The following STX17 variants were observed in gnomAD, a reference collection of about 807,000 sequenced individuals.
STX17 encodes syntaxin-17.
Under a neutral mutation model 35.9 loss-of-function variants are expected in STX17, and 29 were observed. The observed-to-expected ratio is 0.81, with a 90% CI of 0.60 to 1.10. The LOEUF is 1.10. Among genes scored for constraint, STX17 ranks in the 50% least tolerant of loss-of-function variants. STX17 has a pLI of 0.00. For missense variants in STX17, 312 were observed against 352.3 expected, an observed-to-expected ratio of 0.89 and a Z score of 0.92; for synonymous variants, 92 against 118.3, an observed-to-expected ratio of 0.78 and a Z score of 1.44.
Position 99,915,361 on chromosome 9 carries a change from A to T in STX17, c.122A>T (p.Lys41Met). 1 of 1,588,686 alleles carries T rather than the reference A, an allele frequency of 6.3e-7. No individual in the cohort carries two copies. Among genetic ancestry groups the T allele is most frequent in the Middle Eastern group, 1.7e-4 (1 of 5,932 alleles). Residue 41 changes from lysine to methionine, a missense_variant and splice_region_variant, in exon 2 of 8, where the codon AAG becomes ATG. Coordinates refer to ENST00000259400, the MANE Select transcript of STX17 (RefSeq NM_017919.3). ...AGAAAGCACCAGATAAATATTGAGA[A>T]GGTGAGCTGTTTCATTTACTACCAC... Reference protein sequence around the residue: ...RLRKHQINIEKYQRCRIWDKL... With the variant: ...RLRKHQINIEMYQRCRIWDKL...
intron 4 of STX17, among the ~76,000 whole-genome samples, chr9:99,957,650 GT>G (rs1564073453): frequency 8.2e-6 from 1 of 122,232 alleles, no homozygotes; most frequent in South Asian, 2.5e-4. Context: ...TTATGTTATT[GT>G]TTTTGTTTTT....
intron 1 of STX17, among the ~76,000 whole-genome samples, chr9:99,908,839 A>AT (rs1386602432): frequency 6.6e-6 from 1 of 152,212 alleles, no homozygotes; most frequent in Non-Finnish European, 1.5e-5. Flanking sequence ...CAGTCTATAC[A>AT]TATGCATACC....
intron 3 of STX17, among the ~76,000 whole-genome samples, chr9:99,939,862 A>G (rs1433046625): frequency 6.6e-6 from 1 of 152,230 alleles, no homozygotes; most frequent in African/African-American, 2.4e-5. Context: ...TCTCTGCATC[A>G]TCTGCCAACA....
At chr9:99,943,919 G>C (rs921295052) in intron 3 of STX17, among the ~76,000 whole-genome samples, 2 of 152,076 alleles carry the variant, frequency 1.3e-5, no homozygotes, top group Admixed American at 1.3e-4. Context: ...ATCAGGCTGG[G>C]CTTTTTCTTT....
At chr9:99,918,480 C>T (rs1828823960) in intron 2 of STX17, among the ~76,000 whole-genome samples, 1 of 151,578 alleles carries the variant, frequency 6.6e-6, no homozygotes, top group Non-Finnish European at 1.5e-5. Context: ...TTCGTGGATG[C>T]TGTATCATAA....
chr9:99,937,564 CA>C (rs1323105831), intron 3 of STX17, among the ~76,000 whole-genome samples: 1 of 152,190 alleles, frequency 6.6e-6, no homozygotes, highest in East Asian at 1.9e-4. Context: ...ATCTCACTCA[CA>C]TATTGTAGTT....
chr9:99,924,245 G>T (rs1341154854), intron 2 of STX17, among the ~76,000 whole-genome samples: 2 of 152,188 alleles, frequency 1.3e-5, no homozygotes, highest in African/African-American at 4.8e-5. Context: ...GGTTCGGAGG[G>T]CAGGAGGTCA....
At chr9:99,916,422 T>C (rs942303649) in intron 2 of STX17, among the ~76,000 whole-genome samples, 31 of 128,708 alleles carry the variant, frequency 2.4e-4, no homozygotes, top group Middle Eastern at 3.7e-3. Flanking sequence ...TTTATTTATT[T>C]ATTTATTTAT....
At chr9:99,956,038 AT>A (rs1829703697) in intron 4 of STX17, among the ~76,000 whole-genome samples, 1 of 152,152 alleles carries the variant, frequency 6.6e-6, no homozygotes, top group African/African-American at 2.4e-5. Flanking sequence ...AAATGAAAAG[AT>A]TTGCTTTAAT....
chr9:99,952,472 C>T (rs1469252017), intron 4 of STX17, among the ~76,000 whole-genome samples: 5 of 152,250 alleles, frequency 3.3e-5, no homozygotes, highest in East Asian at 1.9e-4. Context: ...GTCAGTGTGG[C>T]GATTCCTCAA....
intron 3 of STX17, 84 bp from the exon 4 acceptor site, chr9:99,950,976 C>T: frequency 8.4e-7 from 1 of 1,197,056 alleles, no homozygotes; most frequent in Non-Finnish European, 1.2e-6. Context: ...TAATTTCCAT[C>T]CACAACTATT....
chr9:99,933,336 T>G (rs1341667340), intron 3 of STX17, among the ~76,000 whole-genome samples: 1 of 152,162 alleles, frequency 6.6e-6, no homozygotes, highest in African/African-American at 2.4e-5. Flanking sequence ...AGTTTTAAGA[T>G]AAAGCTTGAT....
At chr9:99,943,548 A>G (rs559386744) in intron 3 of STX17, among the ~76,000 whole-genome samples, 1 of 152,246 alleles carries the variant, frequency 6.6e-6, no homozygotes, top group African/African-American at 2.4e-5. Context: ...ACCTCAAATG[A>G]TCTGCCCACC....
At chr9:99,950,995 A>C (rs1454323658) in intron 3 of STX17, 65 bp from the exon 4 acceptor site, 2 of 1,348,188 alleles carry the variant, frequency 1.5e-6, no homozygotes, top group African/African-American at 3.0e-5. Flanking sequence ...TTATAACATT[A>C]CTTCTGAAAA....
At chr9:99,926,227 T>C (rs1324054244) in intron 2 of STX17, among the ~76,000 whole-genome samples, 1 of 152,122 alleles carries the variant, frequency 6.6e-6, no homozygotes, top group African/African-American at 2.4e-5. Flanking sequence ...TTCTACCTTC[T>C]TAAATACATG....
chr9:99,940,760 C>T (rs570340426), intron 3 of STX17, among the ~76,000 whole-genome samples: 312 of 152,282 alleles, frequency 2.0e-3, no homozygotes, highest in Non-Finnish European at 3.7e-3. Flanking sequence ...GGATTACAGG[C>T]GTGAGCCACC....
rs930819912 is a variant in STX17, at chr9:99,970,580, G to T, written c.*1907G>T. Among the ~76,000 whole-genome samples, 1 of 152,138 alleles carries T rather than the reference G, an allele frequency of 6.6e-6. No individual in the cohort carries two copies. Among genetic ancestry groups the T allele is most frequent in the Non-Finnish European group, 1.5e-5 (1 of 68,024 alleles). On this transcript the variant is annotated 3_prime_UTR_variant, in exon 8 of 8. Coordinates refer to ENST00000259400, the MANE Select transcript of STX17 (RefSeq NM_017919.3). ...AGAACTCACCCAGGCACATACTAAAGCAAGATTCCTAAACCTCAGTTCCAG... is the reference window on the plus strand; with the variant it reads ...AGAACTCACCCAGGCACATACTAAATCAAGATTCCTAAACCTCAGTTCCAG...
In STX17 at chr9:99,962,213, T is replaced by C. The variant is rs543015197; in HGVS notation, c.582+2058T>C. Among the ~76,000 whole-genome samples the C allele has an allele frequency of 2.6e-5, 4 of 152,350 alleles. No homozygotes were observed. In the East Asian group the frequency reaches 7.7e-4, roughly 29 times the overall value. On this transcript the variant is annotated intron_variant, in intron 6 of 7. Transcript: ENST00000259400. Reference sequence around the variant, plus strand: ...ATGTGTTACCTAAAATTGAATGCAGTAAATTGTTTGAATTGCTTCTGGATG... The same window carrying C: ...ATGTGTTACCTAAAATTGAATGCAGCAAATTGTTTGAATTGCTTCTGGATG...
chr9:99,953,650 A>G (rs1277294315), intron 4 of STX17, among the ~76,000 whole-genome samples: 1 of 152,052 alleles, frequency 6.6e-6, no homozygotes, highest in African/African-American at 2.4e-5. Flanking sequence ...GTACCCAGAC[A>G]TTGTGATAGT....
Sources: allele counts gnomAD v4.1 joint callset (sites outside exome capture counted in the v4.1 genomes callset), GRCh38; gene constraint gnomAD v4.1.1; transcripts MANE v1.5; gene names NCBI Gene and HGNC (gene_info 2026-07-23, HGNC 2026-07-21).